Variants in PRKG1 observed in about 807,000 individuals in gnomAD.
PRKG1 encodes protein kinase cGMP-dependent 1, also known as cGMP-dependent protein kinase 1.
PRKG1 carries 35 observed loss-of-function variants against 88.1 expected under a neutral mutation model. The ratio of observed to expected loss-of-function variants is 0.40; its 90% confidence interval spans 0.30 to 0.53. The LOEUF is 0.53. Among genes scored for constraint, PRKG1 ranks in the 20% least tolerant of loss-of-function variants. The pLI is 0.59. For synonymous variants in PRKG1, 303 were observed against 292.5 expected, an observed-to-expected ratio of 1.04 and a Z score of -0.37; for missense variants, 540 against 839.8, an observed-to-expected ratio of 0.64 and a Z score of 4.41.
intron 3 of PRKG1, chr10:51,698,112 G>A (rs199709239): frequency 1.9e-6 from 3 of 1,614,046 alleles, no homozygotes; most frequent in East Asian, 2.2e-5. Context: ...ATATTAATGG[G>A]ACCAGGACCC....
chr10:51,789,258 G>T (rs1456344049), intron 3 of PRKG1, among the ~76,000 whole-genome samples: 1 of 152,158 alleles, frequency 6.6e-6, no homozygotes, highest in Non-Finnish European at 1.5e-5. Context: ...CCAAACATGT[G>T]CAGATATTTT....
intron 2 of PRKG1, among the ~76,000 whole-genome samples, chr10:51,416,746 T>TCCAG (rs1270866381): frequency 6.6e-6 from 1 of 152,126 alleles, no homozygotes; most frequent in Non-Finnish European, 1.5e-5. Context: ...TTGCTGCCCT[T>TCCAG]CCAGCCATGA....
intron 2 of PRKG1, among the ~76,000 whole-genome samples, chr10:51,268,904 A>G (rs534881281): frequency 2.6e-5 from 4 of 152,310 alleles, no homozygotes; most frequent in Non-Finnish European, 5.9e-5. Flanking sequence ...TTGGGGAACT[A>G]ATAAATGTCC....
intron 9 of PRKG1, among the ~76,000 whole-genome samples, chr10:52,183,555 T>C (rs1252412292): frequency 6.6e-6 from 1 of 152,194 alleles, no homozygotes; most frequent in Non-Finnish European, 1.5e-5. Flanking sequence ...GCCAGAGTCA[T>C]AGCTAATCCT....
chr10:51,257,840 CA>C (rs1359280167), intron 2 of PRKG1, among the ~76,000 whole-genome samples: 4 of 152,096 alleles, frequency 2.6e-5, no homozygotes, highest in African/African-American at 9.7e-5. Flanking sequence ...TAGTGCTCAC[CA>C]GCATACACTT....
intron 2 of PRKG1, among the ~76,000 whole-genome samples, chr10:51,205,393 TC>T (rs1197974147): frequency 6.6e-6 from 1 of 151,744 alleles, no homozygotes; most frequent in South Asian, 2.1e-4. Flanking sequence ...TGCCTCGGCC[TC>T]CCACAGTGCT....
chr10:51,207,379 A>C (rs1331985116), intron 2 of PRKG1, among the ~76,000 whole-genome samples: 3 of 152,242 alleles, frequency 2.0e-5, no homozygotes, highest in African/African-American at 7.2e-5. Context: ...GGGTGAATAG[A>C]ATGAAAAGAC....
At chr10:51,385,481 G>A (rs1352662099) in intron 2 of PRKG1, among the ~76,000 whole-genome samples, 1 of 152,164 alleles carries the variant, frequency 6.6e-6, no homozygotes, top group East Asian at 1.9e-4. Flanking sequence ...TTTACCCACA[G>A]TAGCCCATTC....
intron 5 of PRKG1, chr10:51,909,780 G>C (rs1256532423): frequency 6.6e-6 from 1 of 152,208 alleles, no homozygotes; most frequent in Non-Finnish European, 1.5e-5. Flanking sequence ...GAATAACTTA[G>C]AGAAGAGTCA....
chr10:51,204,038 A>G (rs921148431), intron 2 of PRKG1, among the ~76,000 whole-genome samples: 3 of 152,204 alleles, frequency 2.0e-5, no homozygotes, highest in Non-Finnish European at 4.4e-5. Flanking sequence ...GTTTTTTGAT[A>G]TGAAGAACTA....
intron 1 of PRKG1, among the ~76,000 whole-genome samples, chr10:51,056,007 A>G (rs771041551): frequency 4.6e-5 from 7 of 152,170 alleles, no homozygotes; most frequent in Non-Finnish European, 1.0e-4. Flanking sequence ...AGCCAATCAA[A>G]TCAAGCATCA....
intron 5 of PRKG1, among the ~76,000 whole-genome samples, chr10:52,020,210 T>A (rs182700659): frequency 1.7e-3 from 264 of 152,216 alleles, no homozygotes; most frequent in Non-Finnish European, 2.2e-3. Flanking sequence ...TCTCCAAAAC[T>A]ATTTTATATT....
At chr10:51,323,461 A>T (rs1350386046) in intron 2 of PRKG1, among the ~76,000 whole-genome samples, 1 of 152,232 alleles carries the variant, frequency 6.6e-6, no homozygotes, top group East Asian at 1.9e-4. Flanking sequence ...AGAACAAGTT[A>T]TTTAACTCCC....
chr10:51,625,723 TAA>T (rs397846099), intron 3 of PRKG1, among the ~76,000 whole-genome samples: 30 of 144,832 alleles, frequency 2.1e-4, no homozygotes, highest in African/African-American at 3.3e-4. Context: ...TGTTAAGATT[TAA>T]AAAAAAAAAA....
chr10:51,711,631 A>T (rs1413270808), intron 3 of PRKG1, among the ~76,000 whole-genome samples: 1 of 152,208 alleles, frequency 6.6e-6, no homozygotes, highest in African/African-American at 2.4e-5. Context: ...GCTCCAAGGC[A>T]ATTCTGATTG....
intron 3 of PRKG1, among the ~76,000 whole-genome samples, chr10:51,775,566 AATTATTATTATT>A (rs527646906): frequency 1.8e-4 from 27 of 150,974 alleles, no homozygotes; most frequent in African/African-American, 6.6e-4. Context: ...CCAGTTCTTT[AATTATTATTATT>A]ATTATTATTA....
intron 3 of PRKG1, among the ~76,000 whole-genome samples, chr10:51,566,328 G>T (rs192978388): frequency 1.3e-5 from 2 of 152,140 alleles, no homozygotes; most frequent in East Asian, 3.9e-4. Context: ...AAATGGGCCT[G>T]CAGCAAAGAC....
intron 2 of PRKG1, among the ~76,000 whole-genome samples, chr10:51,450,511 T>C (rs2132769171): frequency 6.6e-6 from 1 of 152,134 alleles, no homozygotes; most frequent in South Asian, 2.1e-4. Context: ...GATGTTGGAC[T>C]TCTAACAAGT....
chr10:51,635,896 C>T (rs1012560739), intron 3 of PRKG1, among the ~76,000 whole-genome samples: 1 of 152,100 alleles, frequency 6.6e-6, no homozygotes, highest in Non-Finnish European at 1.5e-5. Context: ...AAATCTTCAG[C>T]TTCTAATATT....
Sources: allele counts gnomAD v4.1 joint callset (sites outside exome capture counted in the v4.1 genomes callset), GRCh38; gene constraint gnomAD v4.1.1; transcripts MANE v1.5; gene names NCBI Gene and HGNC (gene_info 2026-07-23, HGNC 2026-07-21).